EFR3B: variants seen among roughly 807,000 people sequenced by gnomAD.
EFR3B encodes protein EFR3 homolog B.
In EFR3B, 64 loss-of-function variants were observed where a neutral mutation model predicts 104.7. That is an observed-to-expected ratio of 0.61 (90% CI 0.50 to 0.75). The LOEUF (loss-of-function observed/expected upper bound fraction) is 0.75. EFR3B is among the 30% of genes least tolerant of loss of function. EFR3B has a pLI of 0.00. For synonymous variants in EFR3B, 385 were observed against 417.9 expected (o/e 0.92, Z 0.96); for missense variants, 750 against 1,078.5 (o/e 0.70, Z 4.27).
chr2:25,143,814 G>A lies in EFR3B; in HGVS notation c.2002G>A (p.Gly668Ser). ...SKISEVLGGSGYNSDRLCLPY... is the reference protein window; with the variant it reads ...SKISEVLGGSSYNSDRLCLPY... ...GATCAGTGAAGTCCTGGGAGGCAGT[G>A]GCTACAACTCGGACCGGCTCTGCCT... The change falls in exon 18 of 23, where the codon GGC (glycine) becomes AGC (serine). Residue 668 changes from glycine to serine, a missense_variant. By Grantham distance (56) the Gly-to-Ser change is moderately conservative. Coordinates refer to ENST00000403714, the MANE Select transcript of EFR3B (RefSeq NM_014971.2). 6.4e-7 allele frequency: 1 copy of A among 1,551,710 alleles called. No homozygotes were observed. The highest frequency in any genetic ancestry group is 2.4e-5 in the East Asian group (1 of 40,924).
intron 1 of EFR3B, chr2:25,080,907 T>C: frequency 3.9e-6 from 3 of 777,038 alleles, no homozygotes; most frequent in Non-Finnish European, 7.1e-6. Flanking sequence ...TGCTGCGGAA[T>C]CCACAATATT....
chr2:25,091,415 C>G lies in EFR3B; in HGVS notation c.84+14C>G. 6.5e-7 allele frequency: 1 copy of G among 1,545,926 alleles called. No homozygotes were observed. Among genetic ancestry groups the G allele is most frequent in the East Asian group, 2.5e-5 (1 of 40,292 alleles). Reference sequence around the variant, plus strand: ...GAGGATCCCGAGGTGGGTCATGTCTCTGGCAGGCATCGTGGCTCTCATGGT... The same window carrying G: ...GAGGATCCCGAGGTGGGTCATGTCTGTGGCAGGCATCGTGGCTCTCATGGT... On this transcript the variant is annotated intron_variant, in intron 2 of 22. Coordinates refer to ENST00000403714, the MANE Select transcript of EFR3B (RefSeq NM_014971.2).
rs147062399 is a variant in EFR3B at position 25,070,641 on chromosome 2, C to T, written c.8-20684C>T. Reference sequence around the variant, plus strand: ...GAAAATGAAGGAGGAAAGCAGTGAACAGCAGGTGACATCCTTTCTATTTGA... The same window carrying T: ...GAAAATGAAGGAGGAAAGCAGTGAATAGCAGGTGACATCCTTTCTATTTGA... On this transcript the variant is annotated intron_variant, in intron 1 of 22. Transcript: ENST00000403714. Among the ~76,000 whole-genome samples, 239 of 152,326 alleles carry T rather than the reference C, an allele frequency of 1.6e-3. 3 individuals carry two copies. The highest frequency in any genetic ancestry group is 5.7e-3 in the African/African-American group (236 of 41,568).
At chr2:25,105,437 C>T (rs970769064) in intron 4 of EFR3B, among the ~76,000 whole-genome samples, 2 of 152,222 alleles carry the variant, frequency 1.3e-5, no homozygotes, top group Non-Finnish European at 2.9e-5. Context: ...AGGCGTGAGC[C>T]ACCACGCCCA....
At chr2:25,109,225 CA>C (rs1325654796) in intron 4 of EFR3B, among the ~76,000 whole-genome samples, 1 of 149,790 alleles carries the variant, frequency 6.7e-6, no homozygotes, top group Non-Finnish European at 1.5e-5. Flanking sequence ...GATATTTTCA[CA>C]AAAAAGATAT....
rs542525175 is a variant in EFR3B at position 25,080,037 on chromosome 2, G to A, written c.8-11288G>A. 365 of 879,104 alleles carry A rather than the reference G, an allele frequency of 4.2e-4. 3 individuals carry two copies. In the South Asian group the frequency reaches 4.2e-3, roughly 10 times the overall value. The allele number at this position is 879,104 out of a possible 1,614,324, so 54.5% of individuals were successfully genotyped here. On this transcript the variant is annotated intron_variant, in intron 1 of 22. Coordinates refer to ENST00000403714, the MANE Select transcript of EFR3B (RefSeq NM_014971.2). The stretch of plus-strand genomic sequence containing the variant: ...AATTTTAAGCCCACTGTCTGCTCTC[G>A]GTGCCTTAGCATCATCAACTCGTGT...
At chr2:25,080,282 GC>G (rs148114940) in intron 1 of EFR3B, 43 of 176,972 alleles carry the variant, frequency 2.4e-4, no homozygotes, top group South Asian at 7.9e-4. Context: ...CCTCCCCAAA[GC>G]TTTTTTTTTT....
chr2:25,151,662 C>T (rs1671012986), intron 20 of EFR3B, among the ~76,000 whole-genome samples: 1 of 152,214 alleles, frequency 6.6e-6, no homozygotes, highest in South Asian at 2.1e-4. Flanking sequence ...GCTGTAAGAG[C>T]CCCGCTGAAA....
intron 1 of EFR3B, among the ~76,000 whole-genome samples, chr2:25,046,639 G>A (rs1172430031): frequency 6.6e-6 from 1 of 150,624 alleles, no homozygotes; most frequent in African/African-American, 2.4e-5. Flanking sequence ...AAGTAGCTGG[G>A]ACTACAGGCG....
intron 1 of EFR3B, among the ~76,000 whole-genome samples, chr2:25,072,922 A>G (rs1389709975): frequency 6.6e-6 from 1 of 152,224 alleles, no homozygotes; most frequent in Non-Finnish European, 1.5e-5. Context: ...ATTTCTGGAA[A>G]TCCAGCCTAA....
chr2:25,103,654 T>C lies in EFR3B; in HGVS notation c.230T>C (p.Met77Thr). 1 of 1,551,416 alleles carries C rather than the reference T, an allele frequency of 6.4e-7. No homozygotes were observed. The highest frequency in any genetic ancestry group is 8.7e-7 in the Non-Finnish European group (1 of 1,146,760). The part of the protein sequence containing the change: ...RHRYGYVCIA[M>T]EALDQLLMAC... ...CTCCCCAGGTACGTGTGCATTGCTA[T>C]GGAGGCTTTGGACCAGCTGCTCATG... is the stretch of plus-strand genomic sequence containing the variant. The change falls in exon 4 of 23, where the codon ATG becomes ACG. Residue 77 changes from methionine (M) to threonine (T), a missense_variant. Coordinates refer to ENST00000403714, the MANE Select transcript of EFR3B (RefSeq NM_014971.2).
rs990509297 is a variant in EFR3B, at chr2:25,158,748, C to G, written c.*4408C>G. ...CACCTTCCCCTTCCAAGCTCTCCCCCCATGACTGTTGATTTCTGGCGCGTG... is the reference window on the plus strand; with the variant it reads ...CACCTTCCCCTTCCAAGCTCTCCCCGCATGACTGTTGATTTCTGGCGCGTG... On this transcript the variant is annotated 3_prime_UTR_variant, in exon 23 of 23. Coordinates refer to ENST00000403714, the MANE Select transcript of EFR3B (RefSeq NM_014971.2). 1 of 152,310 alleles carries G rather than the reference C, an allele frequency of 6.6e-6. No homozygotes were observed. The highest frequency in any genetic ancestry group is 1.9e-4 in the East Asian group (1 of 5,186). 9.4% of individuals were successfully genotyped at this position (152,310 alleles called of 1,614,324 possible). A position where few individuals can be genotyped will look rare whatever the true frequency, so the allele number is the denominator to read the frequency against.
chr2:25,081,300 T>C, intron 1 of EFR3B: 1 of 936,152 alleles, frequency 1.1e-6, no homozygotes, highest in Admixed American at 2.0e-5. Flanking sequence ...AGCTGAAACC[T>C]GCGCCTTCAT....
chr2:25,115,899 A>G (rs536230064), intron 4 of EFR3B: 25 of 152,272 alleles, frequency 1.6e-4, no homozygotes, highest in Non-Finnish European at 3.1e-4. Flanking sequence ...TCCTATGTCT[A>G]TGAATAGCCT....
intron 1 of EFR3B, chr2:25,080,150 T>G (rs1027581502): frequency 2.0e-5 from 26 of 1,312,546 alleles, no homozygotes; most frequent in Non-Finnish European, 2.7e-5. Context: ...CAGTGCATGA[T>G]TCTTCAAAAA....
chr2:25,080,283 C>CTT (rs563438610), intron 1 of EFR3B: 3,159 of 154,778 alleles, frequency 0.02, 114 homozygotes, highest in South Asian at 0.027. Flanking sequence ...CTCCCCAAAG[C>CTT]TTTTTTTTTT....
intron 1 of EFR3B, among the ~76,000 whole-genome samples, chr2:25,063,632 G>A (rs1211647548): frequency 6.6e-6 from 1 of 152,200 alleles, no homozygotes; most frequent in Non-Finnish European, 1.5e-5. Context: ...CCTCAGTGTT[G>A]TTGGGAGGAT....
At chr2:25,048,788 A>T (rs1316117614) in intron 1 of EFR3B, among the ~76,000 whole-genome samples, 2 of 152,232 alleles carry the variant, frequency 1.3e-5, no homozygotes, top group African/African-American at 4.8e-5. Flanking sequence ...AGGAAAAGCC[A>T]GGCATTTGGG....
At chr2:25,079,515 A>G (rs1170920854) in intron 1 of EFR3B, among the ~76,000 whole-genome samples, 1 of 152,196 alleles carries the variant, frequency 6.6e-6, no homozygotes, top group African/African-American at 2.4e-5. Flanking sequence ...CTTATATGAA[A>G]TATTTGTAAA....
Sources: gnomAD v4.1 joint callset for allele counts (sites outside exome capture counted in the v4.1 genomes callset) on GRCh38, gnomAD v4.1.1 for gene constraint, MANE v1.5 for transcripts, NCBI Gene and HGNC (gene_info 2026-07-23, HGNC 2026-07-21) for gene names.